SETBP1: variants seen among roughly 807,000 people sequenced by gnomAD.
SETBP1 encodes SET-binding protein.
In SETBP1, 9 loss-of-function variants were observed where a neutral mutation model predicts 101.0. The ratio of observed to expected loss-of-function variants is 0.09; its 90% confidence interval spans 0.05 to 0.16. SETBP1 has a LOEUF of 0.16. Ranked by LOEUF, SETBP1 falls within the 10% of genes least tolerant of loss-of-function variation. SETBP1 has a pLI of 1.00. For missense variants in SETBP1, 1,858 were observed against 2,033.8 expected, an observed-to-expected ratio of 0.91 and a Z score of 1.66; for synonymous variants, 818 against 788.5, an observed-to-expected ratio of 1.04 and a Z score of -0.63.
chr18:44,856,086 G>T (rs2072972017), intron 2 of SETBP1, among the ~76,000 whole-genome samples: 2 of 150,670 alleles, frequency 1.3e-5, no homozygotes, highest in African/African-American at 4.9e-5. Context: ...GTAGAATGAG[G>T]TTCACATTCC....
At chr18:44,865,328 A>C (rs1226850193) in intron 2 of SETBP1, among the ~76,000 whole-genome samples, 2 of 152,176 alleles carry the variant, frequency 1.3e-5, no homozygotes, top group Non-Finnish European at 2.9e-5. Context: ...ACTCTGAGTG[A>C]AGGTAGAGAG....
At chr18:45,046,906 A>C (rs1006583418) in intron 5 of SETBP1, among the ~76,000 whole-genome samples, 3 of 152,216 alleles carry the variant, frequency 2.0e-5, no homozygotes, top group Non-Finnish European at 4.4e-5. Context: ...TGCTTAGTAG[A>C]TACTCAATAG....
At chr18:44,981,412 C>A (rs1161974664) in intron 4 of SETBP1, among the ~76,000 whole-genome samples, 1 of 152,210 alleles carries the variant, frequency 6.6e-6, no homozygotes, top group Non-Finnish European at 1.5e-5. Context: ...CTTACAGTCA[C>A]CTTGTATCTA....
intron 2 of SETBP1, among the ~76,000 whole-genome samples, chr18:44,845,499 G>A (rs2072706119): frequency 1.3e-5 from 2 of 152,174 alleles, no homozygotes. Context: ...CTCAGTCTCT[G>A]GTCTCTGGGT....
intron 3 of SETBP1, among the ~76,000 whole-genome samples, chr18:44,877,840 C>T (rs1009174144): frequency 1.5e-4 from 23 of 152,086 alleles, no homozygotes; most frequent in African/African-American, 5.3e-4. Context: ...GAAAGTCTGG[C>T]ATTTCCGTGG....
chr18:44,764,883 T>C (rs921128317), intron 2 of SETBP1, among the ~76,000 whole-genome samples: 1 of 152,226 alleles, frequency 6.6e-6, no homozygotes, highest in Admixed American at 6.5e-5. Context: ...TGGAAGCTTT[T>C]TGAGGGCAGG....
At chr18:44,864,759 A>T (rs2069092875) in intron 2 of SETBP1, among the ~76,000 whole-genome samples, 1 of 151,986 alleles carries the variant, frequency 6.6e-6, no homozygotes, top group African/African-American at 2.4e-5. Context: ...AAAAGACAGG[A>T]TCCTTTTCAT....
chr18:45,054,758 G>A (rs1568053915), intron 5 of SETBP1, among the ~76,000 whole-genome samples: 1 of 152,172 alleles, frequency 6.6e-6, no homozygotes, highest in Non-Finnish European at 1.5e-5. Context: ...TCTCTGGAAT[G>A]AGTCGCCACT....
chr18:44,864,068 C>T (rs2069076003), intron 2 of SETBP1, among the ~76,000 whole-genome samples: 1 of 152,052 alleles, frequency 6.6e-6, no homozygotes, highest in Non-Finnish European at 1.5e-5. Flanking sequence ...GATAAAGGGC[C>T]AGCAGAGGGG....
chr18:44,949,634 T>A (rs1391368289), intron 3 of SETBP1, among the ~76,000 whole-genome samples: 1 of 152,216 alleles, frequency 6.6e-6, no homozygotes, highest in Non-Finnish European at 1.5e-5. Context: ...TCCTGTTATT[T>A]AGGGATAAAA....
chr18:45,049,379 G>A (rs1407339718), intron 5 of SETBP1, among the ~76,000 whole-genome samples: 1 of 152,114 alleles, frequency 6.6e-6, no homozygotes, highest in African/African-American at 2.4e-5. Flanking sequence ...TATTCTGACC[G>A]GCAATGATAG....
intron 1 of SETBP1, among the ~76,000 whole-genome samples, chr18:44,698,443 C>T (rs143028738): frequency 3.2e-4 from 49 of 152,312 alleles, no homozygotes; most frequent in African/African-American, 1.2e-3. Context: ...TTTCCAGCCT[C>T]ACCTCTCATA....
rs1004328008 is a variant in SETBP1 at position 44,701,553 on chromosome 18, G to A, written c.207G>A (p.Val69=). The A allele has an allele frequency of 4.3e-6, 7 of 1,614,188 alleles. No homozygotes were observed. The highest frequency in any genetic ancestry group is 2.7e-5 in the African/African-American group (2 of 75,062). The change falls in exon 2 of 6, where the codon GTG becomes GTA. Residue 69 remains valine, a synonymous_variant. Coordinates refer to ENST00000649279, the MANE Select transcript of SETBP1 (RefSeq NM_015559.3). ...ATGAACTAGGCTCAGGGCGGGATGT[G>A]GATTCCAACTCCAACGCGGACAGTG... ...EEDELGSGRD[V]DSNSNADSEK...
intron 4 of SETBP1, among the ~76,000 whole-genome samples, chr18:44,976,738 C>T (rs914551141): frequency 2.6e-5 from 4 of 152,142 alleles, no homozygotes; most frequent in Admixed American, 2.6e-4. Context: ...CTTCTCTGTG[C>T]CCCAGCCCTT....
chr18:44,788,511 C>T (rs985235905), intron 2 of SETBP1, among the ~76,000 whole-genome samples: 1 of 152,160 alleles, frequency 6.6e-6, no homozygotes, highest in Non-Finnish European at 1.5e-5. Context: ...AGGCCATTAG[C>T]AGAGTGAAGA....
chr18:44,696,862 C>T (rs189832211), intron 1 of SETBP1, among the ~76,000 whole-genome samples: 1 of 152,344 alleles, frequency 6.6e-6, no homozygotes, highest in Non-Finnish European at 1.5e-5. Context: ...GGACTCCTAT[C>T]TCAGTATTCT....
chr18:44,774,211 G>A (rs184392371), intron 2 of SETBP1, among the ~76,000 whole-genome samples: 2 of 152,202 alleles, frequency 1.3e-5, no homozygotes, highest in African/African-American at 4.8e-5. Context: ...TTTGATGTAC[G>A]CATGGATCCT....
In SETBP1 at chr18:44,787,860, CAAAAAAAAA is replaced by C. The variant is rs11399627; in HGVS notation, c.487-81358_487-81350del. ...TGGGCGACAGAGCGAGAGTCCGTCT[CAAAAAAAAA>C]AAAAAAAAAAAGAAAATTGTTCTCT... On this transcript the variant is annotated intron_variant, in intron 2 of 5. Coordinates refer to ENST00000649279, the MANE Select transcript of SETBP1 (RefSeq NM_015559.3). Among the ~76,000 whole-genome samples the C allele has an allele frequency of 2.2e-4, 2 of 9,218 alleles. 1 individual carries two copies. The highest frequency in any genetic ancestry group is 2.4e-3 in the Admixed American group (2 of 844). 6.0% of individuals were successfully genotyped at this position (9,218 alleles called of 152,430 possible). A position where few individuals can be genotyped will look rare whatever the true frequency, so the allele number is the denominator to read the frequency against.
chr18:44,881,716 C>G (rs1386371845), intron 3 of SETBP1, among the ~76,000 whole-genome samples: 1 of 152,156 alleles, frequency 6.6e-6, no homozygotes, highest in Non-Finnish European at 1.5e-5. Context: ...CAGATTCATA[C>G]ACAGCTGAGG....
Sources: allele counts gnomAD v4.1 joint callset (sites outside exome capture counted in the v4.1 genomes callset), GRCh38; gene constraint gnomAD v4.1.1; transcripts MANE v1.5; gene names NCBI Gene and HGNC (gene_info 2026-07-23, HGNC 2026-07-21).